CNTNAP2: variants seen among roughly 807,000 people sequenced by gnomAD.
CNTNAP2 encodes contactin-associated protein-like 2.
A neutral mutation model predicts 155.2 loss-of-function variants in CNTNAP2; 98 were observed. That is an observed-to-expected ratio of 0.63 (90% CI 0.54 to 0.75). CNTNAP2 has a LOEUF of 0.75. CNTNAP2 is among the 30% of genes least tolerant of loss of function. The pLI is 0.00. For missense variants in CNTNAP2, 1,727 were observed against 1,688.1 expected, an observed-to-expected ratio of 1.02 and a Z score of -0.40; for synonymous variants, 651 against 631.2, an observed-to-expected ratio of 1.03 and a Z score of -0.47.
intron 4 of CNTNAP2, chr7:147,081,760 A>G (rs1177915209): frequency 1.3e-5 from 2 of 152,210 alleles, no homozygotes; most frequent in Non-Finnish European, 2.9e-5. Flanking sequence ...GCCGAGATTC[A>G]TTAATCTTAA....
intron 21 of CNTNAP2, among the ~76,000 whole-genome samples, chr7:148,324,794 C>CAAAAAAAAAAAAAAAAA (rs72157861): frequency 1.9e-5 from 2 of 105,818 alleles, no homozygotes. Context: ...GACTCCATCT[C>CAAAAAAAAAAAAAAAAA]AAAAAAAAAA....
At chr7:146,427,131 C>T (rs956047619) in intron 1 of CNTNAP2, among the ~76,000 whole-genome samples, 5 of 152,172 alleles carry the variant, frequency 3.3e-5, no homozygotes, top group Admixed American at 6.6e-5. Context: ...ACCTCCCCTC[C>T]GTGATCATTA....
intron 1 of CNTNAP2, among the ~76,000 whole-genome samples, chr7:146,339,746 C>G (rs888134900): frequency 1.3e-5 from 2 of 152,052 alleles, no homozygotes; most frequent in Admixed American, 6.6e-5. Context: ...AACATGAAGT[C>G]TTTACTCAAG....
At chr7:146,361,167 T>G (rs1328410352) in intron 1 of CNTNAP2, among the ~76,000 whole-genome samples, 1 of 152,180 alleles carries the variant, frequency 6.6e-6, no homozygotes, top group East Asian at 1.9e-4. Context: ...ACAGTACGAC[T>G]GACCCATGAA....
intron 1 of CNTNAP2, among the ~76,000 whole-genome samples, chr7:146,236,354 T>C (rs1799472976): frequency 6.6e-6 from 1 of 152,054 alleles, no homozygotes; most frequent in South Asian, 2.1e-4. Context: ...ACAGCTTTCA[T>C]ATGGAATGCT....
chr7:147,882,279 G>C (rs1438527429), intron 13 of CNTNAP2, among the ~76,000 whole-genome samples: 3 of 152,154 alleles, frequency 2.0e-5, no homozygotes, highest in Non-Finnish European at 4.4e-5. Context: ...GTGGAATAGA[G>C]TCCAGATCTC....
intron 13 of CNTNAP2, among the ~76,000 whole-genome samples, chr7:147,773,764 CATT>C: frequency 6.6e-6 from 1 of 152,266 alleles, no homozygotes; most frequent in Middle Eastern, 3.4e-3. Context: ...CCTGTTAAAA[CATT>C]AGCCAGATCT....
intron 12 of CNTNAP2, among the ~76,000 whole-genome samples, chr7:147,588,176 G>T: frequency 1.3e-5 from 1 of 76,034 alleles, no homozygotes; most frequent in South Asian, 3.5e-4. Context: ...ATGTAAAAGA[G>T]AAAGAGAGAT....
At chr7:147,785,146 G>A (rs1797721125) in intron 13 of CNTNAP2, among the ~76,000 whole-genome samples, 1 of 152,156 alleles carries the variant, frequency 6.6e-6, no homozygotes, top group African/African-American at 2.4e-5. Context: ...TAAATTTTGA[G>A]GTTGTCTATG....
chr7:146,694,140 T>A (rs1800744138), intron 1 of CNTNAP2, among the ~76,000 whole-genome samples: 1 of 152,146 alleles, frequency 6.6e-6, no homozygotes, highest in Non-Finnish European at 1.5e-5. Flanking sequence ...GAAAGGTAAG[T>A]GATGAACTGA....
chr7:146,835,380 C>T (rs1803596452), intron 2 of CNTNAP2, among the ~76,000 whole-genome samples: 1 of 152,130 alleles, frequency 6.6e-6, no homozygotes, highest in African/African-American at 2.4e-5. Context: ...TTTGGTAATA[C>T]ATAGAACTCT....
At chr7:146,352,823 C>T (rs1192772340) in intron 1 of CNTNAP2, among the ~76,000 whole-genome samples, 7 of 128,492 alleles carry the variant, frequency 5.4e-5, no homozygotes, top group Admixed American at 9.5e-5. Flanking sequence ...GGTGCGATCT[C>T]GGCTCACTGC....
chr7:146,247,096 G>T (rs1298717959), intron 1 of CNTNAP2, among the ~76,000 whole-genome samples: 1 of 152,148 alleles, frequency 6.6e-6, no homozygotes, highest in Non-Finnish European at 1.5e-5. Context: ...TGTATTTTGA[G>T]AATAAGACGG....
intron 15 of CNTNAP2, among the ~76,000 whole-genome samples, chr7:148,019,454 G>GTGTTT (rs1256134226): frequency 3.9e-5 from 6 of 151,930 alleles, no homozygotes; most frequent in East Asian, 1.9e-4. Context: ...TTTTGTGTTT[G>GTGTTT]TGTTTTGTTT....
At chr7:146,767,313 G>C (rs1437344290) in intron 1 of CNTNAP2, among the ~76,000 whole-genome samples, 2 of 152,166 alleles carry the variant, frequency 1.3e-5, no homozygotes, top group Non-Finnish European at 2.9e-5. Context: ...TACATAAAAT[G>C]AGGCTATATT....
chr7:147,428,851 A>C (rs1797423009), intron 10 of CNTNAP2, among the ~76,000 whole-genome samples: 1 of 151,936 alleles, frequency 6.6e-6, no homozygotes, highest in South Asian at 2.1e-4. Flanking sequence ...TTTAGGGGTA[A>C]TTTCTGACAT....
At chr7:147,511,767 A>G (rs1238805411) in intron 11 of CNTNAP2, among the ~76,000 whole-genome samples, 4 of 152,068 alleles carry the variant, frequency 2.6e-5, no homozygotes, top group Non-Finnish European at 5.9e-5. Context: ...CAGACAAACC[A>G]CTATAGTAGC....
intron 10 of CNTNAP2, among the ~76,000 whole-genome samples, chr7:147,469,544 A>T (rs1477333352): frequency 1.9e-5 from 1 of 51,644 alleles, no homozygotes. Context: ...TGTGAGACAA[A>T]GTCTCGCTCT....
intron 1 of CNTNAP2, among the ~76,000 whole-genome samples, chr7:146,338,216 C>G (rs897231334): frequency 6.6e-6 from 1 of 152,108 alleles, no homozygotes; most frequent in African/African-American, 2.4e-5. Context: ...ATAGTCCTAG[C>G]ATTGCACACG....
Sources: gnomAD v4.1 joint callset for allele counts (sites outside exome capture counted in the v4.1 genomes callset) on GRCh38, gnomAD v4.1.1 for gene constraint, MANE v1.5 for transcripts, NCBI Gene and HGNC (gene_info 2026-07-23, HGNC 2026-07-21) for gene names.